PRAG1: variants seen among roughly 807,000 people sequenced by gnomAD.
The protein encoded by PRAG1 is PEAK1 related, kinase-activating pseudokinase 1.
In PRAG1, 110 loss-of-function variants were observed where a neutral mutation model predicts 95.6. The observed-to-expected ratio is 1.15, with a 90% CI of 0.99 to 1.35. PRAG1 has a LOEUF of 1.35. Ranked by LOEUF, PRAG1 falls within the 40% of genes most tolerant of loss-of-function variation. The probability of loss-of-function intolerance (pLI) is 0.00; values close to 1 mark genes in which losing one functional copy is unlikely to be tolerated. For missense variants in PRAG1, 2,554 were observed against 1,864.7 expected (o/e 1.37, Z -6.81); for synonymous variants, 1,052 against 819.4 (o/e 1.28, Z -4.85).
At chr8:8,322,529 C>T (rs1798507050) in intron 5 of PRAG1, among the ~76,000 whole-genome samples, 1 of 152,112 alleles carries the variant, frequency 6.6e-6, no homozygotes. Context: ...CAGTCAAGGG[C>T]ATTCCAAAGT....
At chr8:8,357,516 AC>A (rs1799719309) in intron 3 of PRAG1, among the ~76,000 whole-genome samples, 1 of 152,218 alleles carries the variant, frequency 6.6e-6, no homozygotes, top group African/African-American at 2.4e-5. Context: ...TAGGATGGGT[AC>A]TATAAAAAAC....
intron 3 of PRAG1, among the ~76,000 whole-genome samples, chr8:8,370,364 G>A (rs1257710598): frequency 6.6e-6 from 1 of 152,190 alleles, no homozygotes; most frequent in Non-Finnish European, 1.5e-5. Context: ...GTATCTGTGG[G>A]GGCCACTGAA....
rs148854255 is a variant in PRAG1 at position 8,317,748 on chromosome 8, C to CA, written c.*405dup. The CA allele has an allele frequency of 0.011, 1,723 of 150,802 alleles. 36 individuals carry two copies. Among genetic ancestry groups the CA allele is most frequent in the African/African-American group, 0.039 (1,598 of 41,044 alleles). The allele number at this position is 150,802 out of a possible 1,614,324, so 9.3% of individuals were successfully genotyped here. A position where few individuals can be genotyped will look rare whatever the true frequency, so the allele number is the denominator to read the frequency against. On this transcript the variant is annotated 3_prime_UTR_variant, in exon 6 of 6. Transcript: ENST00000615670. ...TAAAGAGCTTTGCTCATGACTCAAC[C>CA]AAAAAAAATTTTAATGGAATTTTCT...
Position 8,377,184 on chromosome 8 carries a change from G to C in PRAG1, c.1225C>G (p.Pro409Ala). 3.7e-6 allele frequency: 6 copies of C among 1,611,864 alleles called. No individual in the cohort carries two copies. The highest frequency in any genetic ancestry group is 5.1e-6 in the Non-Finnish European group (6 of 1,179,838). ...PPAHPREATQ[P>A]EPIYAESTKR... ...GTGCTCTCAGCATAGATGGGTTCAG[G>C]CTGTGTAGCCTCCCGGGGGTGGGCC... The change falls in exon 3 of 6, where the codon CCT (proline) becomes GCT (alanine). Residue 409 changes from proline (P) to alanine (A), a missense_variant. Pro to Ala is a conservative substitution (Grantham distance 27, BLOSUM62 -1). Coordinates refer to ENST00000615670, the MANE Select transcript of PRAG1 (RefSeq NM_001080826.3).
At chr8:8,334,691 GCTCACATGT>G (rs908460209) in intron 4 of PRAG1, among the ~76,000 whole-genome samples, 3 of 148,696 alleles carry the variant, frequency 2.0e-5, no homozygotes, top group African/African-American at 7.5e-5. Context: ...CCTGCCTACA[GCTCACATGT>G]GGTCCTGGAA....
chr8:8,355,799 G>A (rs1799662963), intron 3 of PRAG1, among the ~76,000 whole-genome samples: 1 of 152,138 alleles, frequency 6.6e-6, no homozygotes, highest in Admixed American at 6.5e-5. Flanking sequence ...AGGCCTAAAT[G>A]TAGGACCTGA....
At chr8:8,333,050 A>G (rs1274057234) in intron 4 of PRAG1, among the ~76,000 whole-genome samples, 1 of 152,254 alleles carries the variant, frequency 6.6e-6, no homozygotes, top group African/African-American at 2.4e-5. Flanking sequence ...CCAACAGCCA[A>G]TATTCTCCAG....
rs1363816738 is a variant in PRAG1 at position 8,379,286 on chromosome 8, T to C, written c.331-1208A>G. On this transcript the variant is annotated intron_variant, in intron 2 of 5. Transcript: ENST00000615670. ...GCGAGTGGTTGGACTCGTTGGGCTA[T>C]GAGACAGAGATGTGGACTGGTCATT... Among the ~76,000 whole-genome samples, 8 of 152,316 alleles carry C rather than the reference T, an allele frequency of 5.3e-5. 1 individual carries two copies. The South Asian group carries it at 1.2e-3, about 24-fold the overall frequency.
intron 4 of PRAG1, among the ~76,000 whole-genome samples, chr8:8,331,111 C>G (rs1270528442): frequency 6.6e-6 from 1 of 152,174 alleles, no homozygotes; most frequent in African/African-American, 2.4e-5. Context: ...GAACCCTGGT[C>G]AATGCTTTCA....
In PRAG1 at chr8:8,377,178, G is replaced by C. The variant is rs1800438884; in HGVS notation, c.1231C>G (p.Pro411Ala). The C allele has an allele frequency of 6.2e-7, 1 of 1,611,500 alleles. No individual in the cohort carries two copies. Among genetic ancestry groups the C allele is most frequent in the Non-Finnish European group, 8.5e-7 (1 of 1,179,738 alleles). ...AHPREATQPE[P>A]IYAESTKRKK... is the part of the protein sequence containing the mutation. ...CTCTTGGTGCTCTCAGCATAGATGG[G>C]TTCAGGCTGTGTAGCCTCCCGGGGG... The change falls in exon 3 of 6, where the codon CCC (proline) becomes GCC (alanine). Residue 411 changes from proline to alanine, a missense_variant. Coordinates refer to ENST00000615670, the MANE Select transcript of PRAG1 (RefSeq NM_001080826.3).
At chr8:8,324,479 T>C (rs968807742) in intron 5 of PRAG1, among the ~76,000 whole-genome samples, 1 of 152,068 alleles carries the variant, frequency 6.6e-6, no homozygotes, top group African/African-American at 2.4e-5. Flanking sequence ...GTGAGTGAGC[T>C]GTAGGCCCGC....
chr8:8,380,230 G>A (rs1169569800), intron 2 of PRAG1, among the ~76,000 whole-genome samples: 3 of 151,860 alleles, frequency 2.0e-5, no homozygotes, highest in East Asian at 1.9e-4. Context: ...AGCCGAGATC[G>A]CAACACTGCA....
Position 8,376,347 on chromosome 8 carries a change from C to G in PRAG1, c.2062G>C (p.Gly688Arg). The change falls in exon 3 of 6, where the codon GGG becomes CGG. Residue 688 changes from glycine to arginine, a missense_variant. By Grantham distance (125) the Gly-to-Arg change is moderately radical. Coordinates refer to ENST00000615670, the MANE Select transcript of PRAG1 (RefSeq NM_001080826.3). ...DGSSGQNSKV[G>R]TGMSKSASFA... Reference sequence around the variant, plus strand: ...GAGGCGGATTTGCTCATCCCGGTCCCAACTTTGCTGTTCTGCCCAGAGGAG... The same window carrying G: ...GAGGCGGATTTGCTCATCCCGGTCCGAACTTTGCTGTTCTGCCCAGAGGAG... 1 of 1,614,228 alleles carries G rather than the reference C, an allele frequency of 6.2e-7. No individual in the cohort carries two copies. The highest frequency in any genetic ancestry group is 8.5e-7 in the Non-Finnish European group (1 of 1,180,038).
intron 3 of PRAG1, among the ~76,000 whole-genome samples, chr8:8,355,734 T>A (rs897865390): frequency 2.6e-5 from 4 of 151,944 alleles, no homozygotes; most frequent in African/African-American, 9.7e-5. Flanking sequence ...TGAAACAGAA[T>A]GAAACTGAAC....
At chr8:8,360,967 G>C (rs1481389508) in intron 3 of PRAG1, among the ~76,000 whole-genome samples, 2 of 152,272 alleles carry the variant, frequency 1.3e-5, no homozygotes, top group South Asian at 4.1e-4. Flanking sequence ...TGCCATAGCG[G>C]CTCTGTGGAT....
chr8:8,337,758 G>A lies in PRAG1; in HGVS notation c.2320+1720C>T, dbSNP rs145875394. Among the ~76,000 whole-genome samples, 431 of 152,256 alleles carry A rather than the reference G, an allele frequency of 2.8e-3. 3 individuals carry two copies. Among genetic ancestry groups the A allele is most frequent in the African/African-American group, 9.6e-3 (399 of 41,548 alleles). ...TATTCAGAAACGAACATGAGAAAAC[G>A]TCTGAATAGGTTTCCCCGTTGAACT... On this transcript the variant is annotated intron_variant, in intron 4 of 5. Coordinates refer to ENST00000615670, the MANE Select transcript of PRAG1 (RefSeq NM_001080826.3).
At chr8:8,346,234 C>T (rs1799338238) in intron 3 of PRAG1, among the ~76,000 whole-genome samples, 1 of 152,234 alleles carries the variant, frequency 6.6e-6, no homozygotes, top group African/African-American at 2.4e-5. Flanking sequence ...CAAAATACTT[C>T]CATGGACAAA....
At chr8:8,325,637 A>G (rs1328009891) in intron 5 of PRAG1, among the ~76,000 whole-genome samples, 1 of 152,128 alleles carries the variant, frequency 6.6e-6, no homozygotes, top group Non-Finnish European at 1.5e-5. Context: ...GTGGCGGGGC[A>G]CGGTGGCTCA....
chr8:8,354,735 A>G (rs960765414), intron 3 of PRAG1, among the ~76,000 whole-genome samples: 2 of 152,194 alleles, frequency 1.3e-5, no homozygotes, highest in Non-Finnish European at 2.9e-5. Flanking sequence ...CTTTCTTGAT[A>G]AAAACTCTTA....
Sources: gnomAD v4.1 joint callset for allele counts (sites outside exome capture counted in the v4.1 genomes callset) on GRCh38, gnomAD v4.1.1 for gene constraint, MANE v1.5 for transcripts, NCBI Gene and HGNC (gene_info 2026-07-23, HGNC 2026-07-21) for gene names.